Variants in TRPV4 observed in about 807,000 individuals in gnomAD.
The protein encoded by TRPV4 is OSM9-like transient receptor potential channel 4.
TRPV4 carries 58 observed loss-of-function variants against 84.1 expected under a neutral mutation model. The ratio of observed to expected loss-of-function variants is 0.69; its 90% CI spans 0.56 to 0.86. TRPV4 has a LOEUF of 0.86. Among genes scored for constraint, TRPV4 ranks in the 40% least tolerant of loss-of-function variants. The pLI is 0.00. For synonymous variants in TRPV4, 489 were observed against 500.9 expected (o/e 0.98, Z 0.32); for missense variants, 879 against 1,181.1 (o/e 0.74, Z 3.75).
rs541230648 is a variant in TRPV4, at chr12:109,825,535, G to A, written c.-32+7815C>T. Among the ~76,000 whole-genome samples, 6 of 152,242 alleles carry A rather than the reference G, an allele frequency of 3.9e-5. No individual in the cohort carries two copies. In the South Asian group the frequency reaches 1.2e-3, roughly 32 times the overall value. On this transcript the variant is annotated intron_variant, in intron 1 of 15. Transcript: ENST00000261740. ...TTGAGGTCCAGGGAGGTCAGAACTGGGCAGGCACTGGAACCCAGACTTCCC... is the reference window on the plus strand; with the variant it reads ...TTGAGGTCCAGGGAGGTCAGAACTGAGCAGGCACTGGAACCCAGACTTCCC...
At chr12:109,792,991 G>A (rs1592828129) in intron 10 of TRPV4, among the ~76,000 whole-genome samples, 174 bp from the exon 11 acceptor site, 1 of 152,204 alleles carries the variant, frequency 6.6e-6, no homozygotes, top group Non-Finnish European at 1.5e-5. Context: ...CTGTTAACAA[G>A]AACATTCAAT....
At chr12:109,819,809 G>T (rs1219052996) in intron 1 of TRPV4, among the ~76,000 whole-genome samples, 1 of 152,112 alleles carries the variant, frequency 6.6e-6, no homozygotes, top group East Asian at 1.9e-4. Flanking sequence ...TGATCTACCC[G>T]CCTCGGCCTC....
rs1890389530 is a variant in TRPV4 at position 109,796,223 on chromosome 12, AG to A, written c.1332+301del. Among the ~76,000 whole-genome samples, 1 of 152,212 alleles carries A rather than the reference AG, an allele frequency of 6.6e-6. No homozygotes were observed. Among genetic ancestry groups the A allele is most frequent in the East Asian group, 1.9e-4 (1 of 5,202 alleles). ...CCCCAGGTTACAAATGAAGAAGCTG[AG>A]ACCCAGAGAGGTGGAGCCACTTGTC... On this transcript the variant is annotated intron_variant, in intron 7 of 15. Coordinates refer to ENST00000261740, the MANE Select transcript of TRPV4 (RefSeq NM_021625.5). The surrounding 1 kb of genome is among the most constrained non-coding windows in gnomAD (Gnocchi z 4.2).
At chr12:109,822,979 C>A (rs948597346) in intron 1 of TRPV4, among the ~76,000 whole-genome samples, 12 of 152,308 alleles carry the variant, frequency 7.9e-5, no homozygotes, top group Non-Finnish European at 1.2e-4. Context: ...GGCAATGACT[C>A]CTAGAGAAGG....
intron 1 of TRPV4, among the ~76,000 whole-genome samples, chr12:109,827,100 T>C (rs992208832): frequency 6.6e-6 from 1 of 152,108 alleles, no homozygotes; most frequent in African/African-American, 2.4e-5. Flanking sequence ...GGCAGACAGG[T>C]CTCCAAAGCG....
intron 1 of TRPV4, among the ~76,000 whole-genome samples, chr12:109,819,438 C>A (rs1467882047): frequency 6.6e-6 from 1 of 152,208 alleles, no homozygotes; most frequent in African/African-American, 2.4e-5. Context: ...TACCAGGAGC[C>A]CCTCCACAGT....
At position 109,798,944 on chromosome 12, in the gene TRPV4, C is replaced by A. The variant is rs766648571; in HGVS notation, c.854-32G>T. 1.9e-6 allele frequency: 3 copies of A among 1,590,960 alleles called. No individual in the cohort carries two copies. The highest frequency in any genetic ancestry group is 2.2e-5 in the South Asian group (2 of 89,068). Reference sequence around the variant, plus strand: ...GCCAGGGTGAAGGGTGGGAGGTCAGCGAAGGGGGCCCAGGGTGGGACTCTG... The same window carrying A: ...GCCAGGGTGAAGGGTGGGAGGTCAGAGAAGGGGGCCCAGGGTGGGACTCTG... On this transcript the variant is annotated intron_variant, in intron 5 of 15. Transcript: ENST00000261740. This position sits in a 1 kb window ranked among gnomAD's most constrained non-coding sequence, Gnocchi z 5.0.
rs1336490182 is a variant in TRPV4 at position 109,814,939 on chromosome 12, G to A, written c.-31-112C>T. The A allele has an allele frequency of 6.5e-6, 7 of 1,074,530 alleles. No homozygotes were observed. The highest frequency in any genetic ancestry group is 1.6e-5 in the African/African-American group (1 of 62,892). The allele number at this position is 1,074,530 out of a possible 1,614,324, so 66.6% of individuals were successfully genotyped here. ...TGCTGCCAGCTGCTTCAAAGCCACC[G>A]TTGTAATGACAGGGGCACAGGGAGG... On this transcript the variant is annotated intron_variant, in intron 1 of 15. Transcript: ENST00000261740. This position sits in a 1 kb window ranked among gnomAD's most constrained non-coding sequence, Gnocchi z 5.4.
In TRPV4 at chr12:109,786,570, G is replaced by T; in HGVS notation, c.2336+140C>A. On this transcript the variant is annotated intron_variant, in intron 14 of 15. Coordinates refer to ENST00000261740, the MANE Select transcript of TRPV4 (RefSeq NM_021625.5). The surrounding 1 kb of genome is among the most constrained non-coding windows in gnomAD (Gnocchi z 4.5). ...CTGACTTGCCTGAGATCGCCTGGTGGAAATGAACTCTGCTCGGGCCTCTTG... is the reference window on the plus strand; with the variant it reads ...CTGACTTGCCTGAGATCGCCTGGTGTAAATGAACTCTGCTCGGGCCTCTTG... 1 of 1,117,818 alleles carries T rather than the reference G, an allele frequency of 8.9e-7. No individual in the cohort carries two copies. Among genetic ancestry groups the T allele is most frequent in the Non-Finnish European group, 1.3e-6 (1 of 775,418 alleles). 69.2% of individuals were successfully genotyped at this position (1,117,818 alleles called of 1,614,324 possible).
chr12:109,791,608 G>A (rs970340227), intron 12 of TRPV4, among the ~76,000 whole-genome samples: 8 of 147,272 alleles, frequency 5.4e-5, no homozygotes, highest in Non-Finnish European at 3.0e-5. Context: ...TCAGCCTCCC[G>A]AGTAGCTGGG....
chr12:109,800,826 GGGGTA>G, intron 4 of TRPV4, 68 bp from the exon 5 acceptor site: 1 of 1,540,854 alleles, frequency 6.5e-7, no homozygotes. Flanking sequence ...GCTGGGGGTG[GGGGTA>G]GGGTGCAGGA....
At position 109,783,860 on chromosome 12, in the gene TRPV4, G is replaced by C; in HGVS notation, c.2459-82C>G. The C allele has an allele frequency of 1.3e-6, 2 of 1,509,066 alleles. No individual in the cohort carries two copies. Among genetic ancestry groups the C allele is most frequent in the Non-Finnish European group, 1.8e-6 (2 of 1,104,280 alleles). 93.5% of individuals were successfully genotyped at this position (1,509,066 alleles called of 1,614,324 possible). ...TATATTGAGTGCCTACTGTGTACTG[G>C]GCACTCCACAGTGTTCTGAAGGGGG... On this transcript the variant is annotated intron_variant, in intron 15 of 15. Transcript: ENST00000261740. This position sits in a 1 kb window ranked among gnomAD's most constrained non-coding sequence, Gnocchi z 4.6.
chr12:109,831,596 G>A (rs565671401), intron 1 of TRPV4, among the ~76,000 whole-genome samples: 2 of 152,364 alleles, frequency 1.3e-5, no homozygotes, highest in South Asian at 2.1e-4. Context: ...TGCTGGAGGA[G>A]GGAGTAAGTG....
chr12:109,825,574 G>C (rs919760343), intron 1 of TRPV4, among the ~76,000 whole-genome samples: 26 of 152,138 alleles, frequency 1.7e-4, no homozygotes, highest in Non-Finnish European at 3.5e-4. Context: ...TCCAAAACCA[G>C]GGCTCGTGAC....
intron 4 of TRPV4, among the ~76,000 whole-genome samples, chr12:109,802,465 C>T (rs905948883): frequency 6.6e-6 from 1 of 151,930 alleles, no homozygotes; most frequent in Non-Finnish European, 1.5e-5. Context: ...CCACGCCTGG[C>T]TAATTTTTGC....
rs1386517904 is a variant in TRPV4 at position 109,786,966 on chromosome 12, T to C, written c.2209-129A>G. The C allele has an allele frequency of 1.0e-5, 13 of 1,302,042 alleles. No individual in the cohort carries two copies. The East Asian group carries it at 3.2e-4, about 32-fold the overall frequency. The allele number at this position is 1,302,042 out of a possible 1,614,324, so 80.7% of individuals were successfully genotyped here. On this transcript the variant is annotated intron_variant, in intron 13 of 15. Coordinates refer to ENST00000261740, the MANE Select transcript of TRPV4 (RefSeq NM_021625.5). The surrounding 1 kb of genome is among the most constrained non-coding windows in gnomAD (Gnocchi z 4.5). ...AGGCATTTAGACTCCTACTCCCCAC[T>C]AGACACAGGGTTTATAAACTCAAAT...
chr12:109,808,894 A>G (rs1203502214), intron 2 of TRPV4, among the ~76,000 whole-genome samples: 2 of 149,666 alleles, frequency 1.3e-5, no homozygotes, highest in East Asian at 4.0e-4. Flanking sequence ...ACCATCACTC[A>G]TCCATCCATC....
chr12:109,821,747 G>A (rs539178717), intron 1 of TRPV4, among the ~76,000 whole-genome samples: 16 of 152,104 alleles, frequency 1.1e-4, no homozygotes, highest in African/African-American at 3.4e-4. Flanking sequence ...GGTCAGTCTG[G>A]TCTTGAACCC....
rs924404164 is a variant in TRPV4 at position 109,815,909 on chromosome 12, G to A, written c.-31-1082C>T. Among the ~76,000 whole-genome samples, 5 of 152,248 alleles carry A rather than the reference G, an allele frequency of 3.3e-5. No individual in the cohort carries two copies. The highest frequency in any genetic ancestry group is 7.2e-5 in the African/African-American group (3 of 41,476). On this transcript the variant is annotated intron_variant, in intron 1 of 15. Transcript: ENST00000261740. This position sits in a 1 kb window ranked among gnomAD's most constrained non-coding sequence, Gnocchi z 4.1. ...GGCTCCCGGGTCCAGTGCTTAGCCA[G>A]GAGCCAGGGCAAGGGAGGGGCAAGG...
Sources: allele counts gnomAD v4.1 joint callset (sites outside exome capture counted in the v4.1 genomes callset), GRCh38; gene constraint gnomAD v4.1.1; non-coding constraint Gnocchi (gnomAD v3.1); transcripts MANE v1.5; gene names NCBI Gene and HGNC (gene_info 2026-07-23, HGNC 2026-07-21).